Variants in KDM8 observed in about 807,000 individuals in gnomAD.
KDM8 encodes lysine demethylase 8, also known as bifunctional peptidase and arginyl-hydroxylase JMJD5.
In KDM8, 35 loss-of-function variants were observed where a neutral mutation model predicts 46.9. The ratio of observed to expected loss-of-function variants is 0.75; its 90% CI spans 0.57 to 0.99. The LOEUF (loss-of-function observed/expected upper bound fraction) is 0.99, where lower values mean the gene tolerates loss of function less well. Among genes scored for constraint, KDM8 ranks in the 50% least tolerant of loss-of-function variants. KDM8 has a pLI of 0.00. For missense variants in KDM8, 475 were observed against 537.0 expected (o/e 0.88, Z 1.14); for synonymous variants, 232 against 227.7 (o/e 1.02, Z -0.17).
At position 27,221,263 on chromosome 16, in the gene KDM8, A is replaced by T. The variant is rs1173745731; in HGVS notation, c.*533A>T. On this transcript the variant is annotated 3_prime_UTR_variant, in exon 8 of 8. Coordinates refer to ENST00000286096, the MANE Select transcript of KDM8 (RefSeq NM_024773.3). ...TTAGCCGCTGTCACTGATCCCAATT[A>T]CTCTGATCCTTTTGCCCTTCCTTCC... 3 of 237,924 alleles carry T rather than the reference A, an allele frequency of 1.3e-5. No homozygotes were observed. The highest frequency in any genetic ancestry group is 1.1e-4 in the East Asian group (1 of 9,478). The allele number at this position is 237,924 out of a possible 1,614,324, so 14.7% of individuals were successfully genotyped here. A position where few individuals can be genotyped will look rare whatever the true frequency, so the allele number is the denominator to read the frequency against.
rs2083621118 is a variant in KDM8, at chr16:27,221,133, C to T, written c.*403C>T. 2 of 345,380 alleles carry T rather than the reference C, an allele frequency of 5.8e-6. No homozygotes were observed. The highest frequency in any genetic ancestry group is 1.1e-5 in the Non-Finnish European group (2 of 175,230). 21.4% of individuals were successfully genotyped at this position (345,380 alleles called of 1,614,324 possible). On this transcript the variant is annotated 3_prime_UTR_variant, in exon 8 of 8. Transcript: ENST00000286096. Reference sequence around the variant, plus strand: ...GCTGTGCACCTGCTGGGTGACTTGGCCAGGATCCCCCACTTCGCTGTGCCC... The same window carrying T: ...GCTGTGCACCTGCTGGGTGACTTGGTCAGGATCCCCCACTTCGCTGTGCCC...
intron 1 of KDM8, among the ~76,000 whole-genome samples, chr16:27,209,242 G>C (rs1040248349): frequency 6.6e-6 from 1 of 152,096 alleles, no homozygotes; most frequent in Admixed American, 6.5e-5. Context: ...TTGTTTTTTT[G>C]TTTTAATTTG....
At chr16:27,212,639 CAGG>C (rs1255043538) in intron 2 of KDM8, among the ~76,000 whole-genome samples, 1 of 152,186 alleles carries the variant, frequency 6.6e-6, no homozygotes, top group Non-Finnish European at 1.5e-5. Context: ...CAGGCTGAGG[CAGG>C]AGAATTGTTT....
At chr16:27,212,848 C>T (rs1019251825) in intron 2 of KDM8, among the ~76,000 whole-genome samples, 3 of 152,234 alleles carry the variant, frequency 2.0e-5, no homozygotes, top group South Asian at 2.1e-4. Flanking sequence ...TGTACCACCA[C>T]GCCGAGCTTT....
At position 27,207,948 on chromosome 16, in the gene KDM8, G is replaced by A. The variant is rs569471883; in HGVS notation, c.-31-2145G>A. Among the ~76,000 whole-genome samples, 23 of 152,324 alleles carry A rather than the reference G, an allele frequency of 1.5e-4. No homozygotes were observed. The South Asian group carries it at 4.1e-3, about 27-fold the overall frequency. ...GGCTTATACAGAGGCAATCTGAAAAGCCATTTTGAAAACAAACTTATACAG... is the reference window on the plus strand; with the variant it reads ...GGCTTATACAGAGGCAATCTGAAAAACCATTTTGAAAACAAACTTATACAG... On this transcript the variant is annotated intron_variant, in intron 1 of 7. Transcript: ENST00000286096.
chr16:27,220,729 A>G lies in KDM8; in HGVS notation c.1250A>G (p.Ter417TrpextTer3), dbSNP rs1389623904. The part of the protein sequence containing the change: ...LSFSVSFWWS[*>W] Reference sequence around the variant, plus strand: ...TTCTCGGTCAGCTTCTGGTGGTCGTAGCCAGGATAGGAGCTGAAAGGGCCT... The same window carrying G: ...TTCTCGGTCAGCTTCTGGTGGTCGTGGCCAGGATAGGAGCTGAAAGGGCCT... Residue 417 changes from the stop codon to tryptophan (W), a stop_lost, in exon 8 of 8, where the codon TAG (stop) becomes TGG (tryptophan). Coordinates refer to ENST00000286096, the MANE Select transcript of KDM8 (RefSeq NM_024773.3). The G allele has an allele frequency of 1.2e-6, 2 of 1,614,200 alleles. No individual in the cohort carries two copies. The highest frequency in any genetic ancestry group is 1.7e-6 in the Non-Finnish European group (2 of 1,180,042).
intron 2 of KDM8, chr16:27,213,343 C>G: frequency 9.5e-6 from 4 of 419,474 alleles, no homozygotes; most frequent in Admixed American, 4.1e-5. Flanking sequence ...TGCAGAATGT[C>G]TGTGAAAGCA....
chr16:27,211,347 CT>C (rs1241821470), intron 2 of KDM8: 6 of 378,480 alleles, frequency 1.6e-5, no homozygotes, highest in South Asian at 7.8e-5. Flanking sequence ...GGATGAGATA[CT>C]ACAACTAGCT....
intron 1 of KDM8, among the ~76,000 whole-genome samples, chr16:27,209,198 T>C (rs1381987253): frequency 2.0e-5 from 3 of 152,260 alleles, no homozygotes; most frequent in Non-Finnish European, 4.4e-5. Context: ...GCACAAATGA[T>C]TGACCGTAGG....
intron 1 of KDM8, among the ~76,000 whole-genome samples, chr16:27,207,568 G>A (rs2083440247): frequency 6.6e-6 from 1 of 152,202 alleles, no homozygotes; most frequent in South Asian, 2.1e-4. Context: ...CCAACATAAG[G>A]CCTTGTAGGA....
At chr16:27,220,313 G>T in intron 6 of KDM8, 80 bp from the exon 7 acceptor site, 1 of 1,183,010 alleles carries the variant, frequency 8.5e-7, no homozygotes, top group Non-Finnish European at 1.3e-6. Flanking sequence ...GCAGCATGTG[G>T]AAGGGCACAG....
chr16:27,219,157 A>C (rs923951214), intron 6 of KDM8, 47 bp downstream of exon 6: 1 of 1,541,442 alleles, frequency 6.5e-7, no homozygotes, highest in Non-Finnish European at 8.8e-7. Context: ...CTCCTGGCCC[A>C]GACACCTGGC....
chr16:27,206,001 T>C (rs2083424998), intron 1 of KDM8, among the ~76,000 whole-genome samples: 1 of 152,194 alleles, frequency 6.6e-6, no homozygotes, highest in South Asian at 2.1e-4. Flanking sequence ...TTGCCTAGAA[T>C]AACACCAGTT....
chr16:27,213,220 T>TGTGTGC (rs2083504669), intron 2 of KDM8: 1 of 35,720 alleles, frequency 2.8e-5, no homozygotes, highest in Admixed American at 2.1e-4. Flanking sequence ...ATATTTTGCG[T>TGTGTGC]GTGTGTGTGT....
At chr16:27,206,028 A>T (rs375421815) in intron 1 of KDM8, among the ~76,000 whole-genome samples, 28 of 152,340 alleles carry the variant, frequency 1.8e-4, no homozygotes, top group African/African-American at 6.0e-4. Context: ...TGATGCAGAC[A>T]TAAATATTAA....
rs199538430 is a variant in KDM8, at chr16:27,218,977, A to C, written c.860A>C (p.Gln287Pro). The change falls in exon 6 of 8, where the codon CAG becomes CCG. Residue 287 changes from glutamine (Q) to proline (P), a missense_variant. Physicochemically the swap from Gln to Pro is moderately conservative, Grantham distance 76 (BLOSUM62 -1). Transcript: ENST00000286096. ...CGCCCACAGATCCCGGAGTTGAAGC[A>C]GGACATCAGCATCCCCGACTACTGC... ...QLFDQIPELK[Q>P]DISIPDYCSL... 6.2e-7 allele frequency: 1 copy of C among 1,614,148 alleles called. No homozygotes were observed. The highest frequency in any genetic ancestry group is 2.2e-5 in the East Asian group (1 of 44,880).
chr16:27,209,151 G>C (rs916237034), intron 1 of KDM8, among the ~76,000 whole-genome samples: 1 of 152,240 alleles, frequency 6.6e-6, no homozygotes, highest in Non-Finnish European at 1.5e-5. Context: ...GCACAGGAGA[G>C]GGTGCTGAGA....
intron 5 of KDM8, among the ~76,000 whole-genome samples, chr16:27,217,841 G>A (rs902859507): frequency 5.4e-5 from 8 of 146,892 alleles, no homozygotes; most frequent in East Asian, 2.0e-4. Context: ...GAAAAATGCC[G>A]CCAGGTCCAT....
chr16:27,210,406 T>C lies in KDM8; in HGVS notation c.283T>C (p.Tyr95His). The change falls in exon 2 of 8, where the codon TAC becomes CAC. Residue 95 changes from tyrosine to histidine, a missense_variant. Transcript: ENST00000286096. Reference sequence around the variant, plus strand: ...CGTAGACAAAGACTGGCGCCGGGTCTACGCCATCGGCTGCCTCCTGAAAGC... The same window carrying C: ...CGTAGACAAAGACTGGCGCCGGGTCCACGCCATCGGCTGCCTCCTGAAAGC... ...QDVDKDWRRV[Y>H]AIGCLLKALC... 6.2e-7 allele frequency: 1 copy of C among 1,610,086 alleles called. No homozygotes were observed. The highest frequency in any genetic ancestry group is 8.5e-7 in the Non-Finnish European group (1 of 1,177,190).
Sources: allele counts gnomAD v4.1 joint callset (sites outside exome capture counted in the v4.1 genomes callset), GRCh38; gene constraint gnomAD v4.1.1; transcripts MANE v1.5; gene names NCBI Gene and HGNC (gene_info 2026-07-23, HGNC 2026-07-21).